NDUFAF2: variants seen among roughly 807,000 people sequenced by gnomAD.
NDUFAF2 encodes NADH:ubiquinone oxidoreductase complex assembly factor 2.
Under a neutral mutation model 22.8 loss-of-function variants are expected in NDUFAF2, and 13 were observed. The ratio of observed to expected loss-of-function variants is 0.57; its 90% CI spans 0.37 to 0.91. The LOEUF (loss-of-function observed/expected upper bound fraction) is 0.91, where lower values mean the gene tolerates loss of function less well. Ranked by LOEUF, NDUFAF2 falls within the 40% of genes least tolerant of loss-of-function variation. NDUFAF2 has a pLI of 0.01. For synonymous variants in NDUFAF2, 53 were observed against 64.2 expected (o/e 0.83, Z 0.84); for missense variants, 162 against 195.2 (o/e 0.83, Z 1.01).
intron 3 of NDUFAF2, among the ~76,000 whole-genome samples, chr5:61,137,985 G>A (rs1233145896): frequency 1.3e-5 from 2 of 152,194 alleles, no homozygotes; most frequent in Non-Finnish European, 2.9e-5. Context: ...TTCAGTTACT[G>A]GATGTGGGCT....
At chr5:61,062,598 C>T (rs1752178739) in intron 1 of NDUFAF2, among the ~76,000 whole-genome samples, 1 of 152,004 alleles carries the variant, frequency 6.6e-6, no homozygotes, top group Non-Finnish European at 1.5e-5. Flanking sequence ...GAGAAATGCA[C>T]TTAGAGGAGA....
At chr5:60,971,622 C>T (rs2112573164) in intron 1 of NDUFAF2, among the ~76,000 whole-genome samples, 1 of 150,430 alleles carries the variant, frequency 6.6e-6, no homozygotes, top group African/African-American at 2.4e-5. Flanking sequence ...CTCCCCCAAC[C>T]CCATGACAGG....
chr5:61,050,133 T>A (rs146107346), intron 1 of NDUFAF2, among the ~76,000 whole-genome samples: 3,755 of 151,960 alleles, frequency 0.025, 65 homozygotes, highest in Non-Finnish European at 0.038. Flanking sequence ...ATATATATAT[T>A]TTTTTTGAGG....
rs552965290 is a variant in NDUFAF2, at chr5:61,031,232, G to A, written c.128-41893G>A. Reference sequence around the variant, plus strand: ...CAGAACGTTGCAGGTTTGTTACATAGGTATACACGTGCCATGGTGGTTTGC... The same window carrying A: ...CAGAACGTTGCAGGTTTGTTACATAAGTATACACGTGCCATGGTGGTTTGC... On this transcript the variant is annotated intron_variant, in intron 1 of 3. Coordinates refer to ENST00000296597, the MANE Select transcript of NDUFAF2 (RefSeq NM_174889.5). 5.9e-5 allele frequency among the ~76,000 whole-genome samples: 9 copies of A among 151,990 alleles called. No homozygotes were observed. In the South Asian group the frequency reaches 1.9e-3, roughly 32 times the overall value.
At chr5:61,118,822 A>C (rs894155652) in intron 3 of NDUFAF2, among the ~76,000 whole-genome samples, 2 of 152,184 alleles carry the variant, frequency 1.3e-5, no homozygotes, top group African/African-American at 4.8e-5. Context: ...GATATTGTAA[A>C]AGTATGAAAA....
intron 1 of NDUFAF2, among the ~76,000 whole-genome samples, chr5:61,016,339 G>A (rs1751511176): frequency 6.6e-6 from 1 of 152,098 alleles, no homozygotes; most frequent in Non-Finnish European, 1.5e-5. Context: ...AGATGAAAAA[G>A]CAAAAGACTG....
rs569245983 is a variant in NDUFAF2 at position 61,058,505 on chromosome 5, C to T, written c.128-14620C>T. ...GATTTCCAATCACATTCATAAATGTCCTCTTATTGTAAAATAGTTTTGTTA... is the reference window on the plus strand; with the variant it reads ...GATTTCCAATCACATTCATAAATGTTCTCTTATTGTAAAATAGTTTTGTTA... On this transcript the variant is annotated intron_variant, in intron 1 of 3. Coordinates refer to ENST00000296597, the MANE Select transcript of NDUFAF2 (RefSeq NM_174889.5). Among the ~76,000 whole-genome samples the T allele has an allele frequency of 2.6e-5, 4 of 151,960 alleles. No individual in the cohort carries two copies. The South Asian group carries it at 8.3e-4, about 32-fold the overall frequency.
intron 3 of NDUFAF2, chr5:61,114,928 C>T (rs1752892368): frequency 6.6e-6 from 1 of 152,220 alleles, no homozygotes; most frequent in African/African-American, 2.4e-5. Flanking sequence ...CAGTGATGTT[C>T]ACTCAAGGCC....
At chr5:61,046,843 C>T (rs1751960039) in intron 1 of NDUFAF2, among the ~76,000 whole-genome samples, 1 of 152,168 alleles carries the variant, frequency 6.6e-6, no homozygotes, top group African/African-American at 2.4e-5. Flanking sequence ...TGTAATTGCA[C>T]TCCAGATAAG....
At chr5:61,065,026 T>C (rs1283962197) in intron 1 of NDUFAF2, among the ~76,000 whole-genome samples, 1 of 152,008 alleles carries the variant, frequency 6.6e-6, no homozygotes, top group Non-Finnish European at 1.5e-5. Flanking sequence ...GATGAAATTA[T>C]AGCAGATGCC....
At chr5:61,143,051 A>G (rs907804179) in intron 3 of NDUFAF2, among the ~76,000 whole-genome samples, 1 of 152,310 alleles carries the variant, frequency 6.6e-6, no homozygotes. Flanking sequence ...GTTTCTCAGC[A>G]TGTTACAAAA....
Position 60,986,398 on chromosome 5 carries a change from A to G in NDUFAF2, c.127+41016A>G, listed in dbSNP as rs181180224. Among the ~76,000 whole-genome samples, 861 of 152,334 alleles carry G rather than the reference A, an allele frequency of 5.7e-3. 9 individuals carry two copies. Among genetic ancestry groups the G allele is most frequent in the African/African-American group, 0.02 (833 of 41,570 alleles). ...AGTAAATAATGAAATTAAGGCAGAA[A>G]ACAAGAAGTTATTTGAAACTAATGA... On this transcript the variant is annotated intron_variant, in intron 1 of 3. Coordinates refer to ENST00000296597, the MANE Select transcript of NDUFAF2 (RefSeq NM_174889.5).
chr5:60,986,456 G>A (rs1437789874), intron 1 of NDUFAF2, among the ~76,000 whole-genome samples: 1 of 152,098 alleles, frequency 6.6e-6, no homozygotes. Flanking sequence ...AATCTCTGGG[G>A]CACAGATATG....
chr5:61,004,476 A>G (rs1369796819), intron 1 of NDUFAF2, among the ~76,000 whole-genome samples: 1 of 152,136 alleles, frequency 6.6e-6, no homozygotes, highest in Non-Finnish European at 1.5e-5. Context: ...GGAGTATCAT[A>G]TAAGGGAATA....
intron 2 of NDUFAF2, among the ~76,000 whole-genome samples, chr5:61,088,142 C>T (rs1752526139): frequency 6.6e-6 from 1 of 151,978 alleles, no homozygotes; most frequent in African/African-American, 2.4e-5. Context: ...GGCCAAAGAC[C>T]ACACTGAGTC....
At chr5:61,105,175 T>C (rs1194340049) in intron 3 of NDUFAF2, among the ~76,000 whole-genome samples, 7 of 147,504 alleles carry the variant, frequency 4.7e-5, no homozygotes, top group Non-Finnish European at 8.8e-5. Flanking sequence ...TTTTATCCTT[T>C]TCCTATTTCT....
At chr5:61,011,067 T>C (rs1413198377) in intron 1 of NDUFAF2, among the ~76,000 whole-genome samples, 5 of 151,980 alleles carry the variant, frequency 3.3e-5, no homozygotes, top group Non-Finnish European at 2.9e-5. Context: ...AGCCCTGGAG[T>C]CTTGTCCTCC....
Position 61,007,896 on chromosome 5 carries a change from C to T in NDUFAF2, c.127+62514C>T, listed in dbSNP as rs560644023. ...TATTCACAATAGCAAAGAGTTGGAA[C>T]GAAGCCAAAGGTCCAACAATGATAG... On this transcript the variant is annotated intron_variant, in intron 1 of 3. Coordinates refer to ENST00000296597, the MANE Select transcript of NDUFAF2 (RefSeq NM_174889.5). Among the ~76,000 whole-genome samples the T allele has an allele frequency of 2.1e-4, 32 of 152,124 alleles. No homozygotes were observed. In the South Asian group the frequency reaches 2.9e-3, roughly 14 times the overall value.
At chr5:61,073,918 T>C (rs1455978565) in intron 2 of NDUFAF2, among the ~76,000 whole-genome samples, 2 of 152,206 alleles carry the variant, frequency 1.3e-5, no homozygotes, top group African/African-American at 2.4e-5. Context: ...AAAAGCTGAT[T>C]TACTGAGAAG....
Sources: gnomAD v4.1 joint callset for allele counts (sites outside exome capture counted in the v4.1 genomes callset) on GRCh38, gnomAD v4.1.1 for gene constraint, MANE v1.5 for transcripts, NCBI Gene and HGNC (gene_info 2026-07-23, HGNC 2026-07-21) for gene names.